Variants in STRN3 observed in about 807,000 individuals in gnomAD.
STRN3 encodes striatin-3.
STRN3 carries 29 observed loss-of-function variants against 95.6 expected under a neutral mutation model. The ratio of observed to expected loss-of-function variants is 0.30; its 90% CI spans 0.23 to 0.41. STRN3 has a LOEUF of 0.41. STRN3 is among the 10% of genes least tolerant of loss of function. The pLI is 1.00. For missense variants in STRN3, 890 were observed against 972.1 expected (o/e 0.92, Z 1.12); for synonymous variants, 331 against 357.6 (o/e 0.93, Z 0.84).
chr14:31,007,302 C>T (rs1004719927), intron 1 of STRN3, among the ~76,000 whole-genome samples: 1 of 152,164 alleles, frequency 6.6e-6, no homozygotes. Flanking sequence ...TTCTCCTCCC[C>T]CTCCAAGCAC....
chr14:30,896,738 T>G (rs1017489481), intron 16 of STRN3, among the ~76,000 whole-genome samples: 1 of 152,152 alleles, frequency 6.6e-6, no homozygotes, highest in Non-Finnish European at 1.5e-5. Context: ...AATATAATCA[T>G]TTTACATACT....
intron 8 of STRN3, among the ~76,000 whole-genome samples, chr14:30,921,853 A>G (rs1267742315): frequency 6.6e-6 from 1 of 152,148 alleles, no homozygotes; most frequent in Admixed American, 6.5e-5. Flanking sequence ...GGCAAGAAAA[A>G]CTTTTATTTA....
chr14:31,018,306 T>C (rs1883340249), intron 1 of STRN3: 2 of 249,752 alleles, frequency 8.0e-6, no homozygotes, highest in South Asian at 8.7e-5. Context: ...GCCAGCAGGG[T>C]GGGCACCATG....
At chr14:30,952,566 G>A (rs1052320136) in intron 3 of STRN3, among the ~76,000 whole-genome samples, 1 of 151,934 alleles carries the variant, frequency 6.6e-6, no homozygotes, top group Admixed American at 6.6e-5. Flanking sequence ...CAGGCATGGT[G>A]GCACGTGCCT....
chr14:30,969,136 G>A (rs540683279), intron 1 of STRN3, among the ~76,000 whole-genome samples: 3 of 152,178 alleles, frequency 2.0e-5, no homozygotes, highest in African/African-American at 7.2e-5. Flanking sequence ...TTATAAAAAA[G>A]GTTAAAAAGA....
At chr14:30,953,864 A>G (rs980160588) in intron 3 of STRN3, among the ~76,000 whole-genome samples, 2 of 152,186 alleles carry the variant, frequency 1.3e-5, no homozygotes, top group South Asian at 2.1e-4. Flanking sequence ...TCCTGGGATC[A>G]AGTGATCCAA....
chr14:30,976,183 AT>A (rs1428738221), intron 1 of STRN3, among the ~76,000 whole-genome samples: 4 of 152,234 alleles, frequency 2.6e-5, no homozygotes, highest in African/African-American at 9.6e-5. Context: ...TTATTTAAGT[AT>A]ACACACAGAA....
chr14:30,993,964 A>G lies in STRN3; in HGVS notation c.282+31940T>C, dbSNP rs531667263. On this transcript the variant is annotated intron_variant, in intron 1 of 17. Transcript: ENST00000357479. ...ACAATCTCGGCTCACGGCAAGCTCC[A>G]CCTCTCGGGATCAAGCGATTCTCCT... 2.8e-3 allele frequency among the ~76,000 whole-genome samples: 415 copies of G among 145,826 alleles called. 5 individuals carry two copies. The highest frequency in any genetic ancestry group is 0.01 in the African/African-American group (393 of 39,028).
At position 30,929,968 on chromosome 14, in the gene STRN3, A is replaced by ACAAAAAAAAAAAAAAAC. The variant is rs1566441464; in HGVS notation, c.989-658_989-657insGTTTTTTTTTTTTTTTG. Among the ~76,000 whole-genome samples the ACAAAAAAAAAAAAAAAC allele has an allele frequency of 3.3e-4, 40 of 121,832 alleles. 3 individuals are homozygous for ACAAAAAAAAAAAAAAAC. Among genetic ancestry groups the ACAAAAAAAAAAAAAAAC allele is most frequent in the South Asian group, 2.4e-4 (1 of 4,124 alleles). 79.9% of individuals were successfully genotyped at this position (121,832 alleles called of 152,430 possible). On this transcript the variant is annotated intron_variant, in intron 7 of 17. Transcript: ENST00000357479. ...ACTAAGATTAGCAAAAAAAAAAAAA[A>ACAAAAAAAAAAAAAAAC]AAAAAAAAAAACTCAAATTCCACTG...
intron 8 of STRN3, among the ~76,000 whole-genome samples, chr14:30,926,597 A>T (rs1270243379): frequency 6.6e-6 from 1 of 151,692 alleles, no homozygotes; most frequent in Admixed American, 6.6e-5. Context: ...AATACTTCTT[A>T]TATTATCTGA....
intron 5 of STRN3, among the ~76,000 whole-genome samples, chr14:30,939,892 C>T (rs1178349999): frequency 6.6e-6 from 1 of 152,140 alleles, no homozygotes. Context: ...AATATAGTTA[C>T]ATCAGTTTAC....
chr14:30,948,207 C>A (rs891551933), intron 4 of STRN3, among the ~76,000 whole-genome samples: 1 of 152,102 alleles, frequency 6.6e-6, no homozygotes, highest in Non-Finnish European at 1.5e-5. Flanking sequence ...AAAAATTATA[C>A]AGAGTCAGAA....
intron 15 of STRN3, among the ~76,000 whole-genome samples, chr14:30,904,375 A>C (rs908797601): frequency 3.9e-5 from 6 of 152,216 alleles, no homozygotes; most frequent in Non-Finnish European, 7.4e-5. Flanking sequence ...AATGGATCAA[A>C]ACACATCAAA....
chr14:30,950,772 C>T, intron 4 of STRN3, 91 bp downstream of exon 4: 1 of 1,189,756 alleles, frequency 8.4e-7, no homozygotes, highest in Non-Finnish European at 1.2e-6. Flanking sequence ...TACACATTGT[C>T]CCAATATGAT....
chr14:30,918,840 CA>C, intron 9 of STRN3, 125 bp downstream of exon 9: 1 of 987,104 alleles, frequency 1.0e-6, no homozygotes. Context: ...GCTTGCCCAA[CA>C]CCTTCTCTAA....
intron 9 of STRN3, among the ~76,000 whole-genome samples, chr14:30,916,005 CAT>C (rs1384485136): frequency 1.3e-5 from 2 of 152,092 alleles, no homozygotes; most frequent in Non-Finnish European, 2.9e-5. Context: ...TATTTTATGA[CAT>C]ATTTATGTAC....
At chr14:30,932,809 C>T (rs1000623955) in intron 7 of STRN3, among the ~76,000 whole-genome samples, 1 of 152,042 alleles carries the variant, frequency 6.6e-6, no homozygotes, top group African/African-American at 2.4e-5. Context: ...AAATTTCTAG[C>T]AACTTTAGGC....
intron 3 of STRN3, among the ~76,000 whole-genome samples, chr14:30,951,492 A>C (rs942964602): frequency 6.6e-6 from 1 of 152,162 alleles, no homozygotes; most frequent in East Asian, 1.9e-4. Context: ...TCAGCTTCTT[A>C]AAGTGCTGAG....
chr14:30,987,689 C>T (rs1881761168), intron 1 of STRN3, among the ~76,000 whole-genome samples: 1 of 151,880 alleles, frequency 6.6e-6, no homozygotes, highest in African/African-American at 2.4e-5. Context: ...ATTCTGACTA[C>T]TCGCTGTGAT....
Sources: allele counts gnomAD v4.1 joint callset (sites outside exome capture counted in the v4.1 genomes callset), GRCh38; gene constraint gnomAD v4.1.1; transcripts MANE v1.5; gene names NCBI Gene and HGNC (gene_info 2026-07-23, HGNC 2026-07-21).